The following NUDT3 variants were observed in gnomAD, a reference collection of about 807,000 sequenced individuals.
NUDT3 encodes the protein nudix hydrolase 3, also known as diphosphoinositol polyphosphate phosphohydrolase 1.
In NUDT3, 9 loss-of-function variants were observed where a neutral mutation model predicts 23.6. The observed-to-expected ratio is 0.38, with a 90% CI of 0.23 to 0.66. The LOEUF is 0.66. Among genes scored for constraint, NUDT3 ranks in the 30% least tolerant of loss-of-function variants. NUDT3 has a pLI of 0.52. For synonymous variants in NUDT3, 86 were observed against 82.6 expected (o/e 1.04, Z -0.22); for missense variants, 172 against 218.5 (o/e 0.79, Z 1.34).
chr6:34,341,791 T>C (rs1308859717), intron 2 of NUDT3, 71 bp downstream of exon 2: 12 of 1,394,720 alleles, frequency 8.6e-6, no homozygotes, highest in African/African-American at 4.3e-5. Flanking sequence ...GCTGACATAT[T>C]AAAGAACTAC....
intron 4 of NUDT3, among the ~76,000 whole-genome samples, chr6:34,290,953 C>T (rs1026219719): frequency 6.6e-6 from 1 of 151,286 alleles, no homozygotes; most frequent in Non-Finnish European, 1.5e-5. Flanking sequence ...CACAACCACA[C>T]CCAGCTAATT....
In NUDT3 at chr6:34,283,490, A is replaced by AC. The variant is rs1165184328; in HGVS notation, c.*5262dup. 1 of 152,282 alleles carries AC rather than the reference A, an allele frequency of 6.6e-6. No homozygotes were observed. The highest frequency in any genetic ancestry group is 1.5e-5 in the Non-Finnish European group (1 of 68,088). 9.4% of individuals were successfully genotyped at this position (152,282 alleles called of 1,614,324 possible). A position where few individuals can be genotyped will look rare whatever the true frequency, so the allele number is the denominator to read the frequency against. The stretch of plus-strand genomic sequence containing the variant: ...AGTGCTGGGATTACAGGCGTGAGCC[A>AC]CCATGACCAGCCCTCCATTTATTAA... On this transcript the variant is annotated 3_prime_UTR_variant, in exon 5 of 5. Transcript: ENST00000607016.
intron 2 of NUDT3, among the ~76,000 whole-genome samples, chr6:34,303,717 A>G (rs1006499258): frequency 6.6e-6 from 1 of 152,202 alleles, no homozygotes; most frequent in African/African-American, 2.4e-5. Context: ...TTCATAAATG[A>G]CAATTTACTG....
chr6:34,352,676 A>T (rs1764495879), intron 1 of NUDT3, among the ~76,000 whole-genome samples: 1 of 152,190 alleles, frequency 6.6e-6, no homozygotes, highest in African/African-American at 2.4e-5. Flanking sequence ...AAGGGCAGGT[A>T]TTGTGTTCCC....
At chr6:34,313,568 A>T (rs920092697) in intron 2 of NUDT3, among the ~76,000 whole-genome samples, 1 of 151,958 alleles carries the variant, frequency 6.6e-6, no homozygotes, top group Non-Finnish European at 1.5e-5. Flanking sequence ...GTGGTGTGAG[A>T]TGTTGATAAT....
chr6:34,310,114 T>G (rs1264578254), intron 2 of NUDT3, among the ~76,000 whole-genome samples: 1 of 152,032 alleles, frequency 6.6e-6, no homozygotes, highest in Non-Finnish European at 1.5e-5. Flanking sequence ...GTTCATGTAG[T>G]CTCGGCTACT....
chr6:34,340,045 G>T (rs926824523), intron 2 of NUDT3, among the ~76,000 whole-genome samples: 1 of 152,144 alleles, frequency 6.6e-6, no homozygotes, highest in Non-Finnish European at 1.5e-5. Flanking sequence ...TCTGCTGGGG[G>T]ACCCTTTGGG....
chr6:34,392,587 C>T lies in NUDT3; in HGVS notation c.-225G>A. ...ACCGTCACGGCTGCCGTCTCCGCTGCCGCCAGGGCCGCCGCCCCCTCTGCC... is the reference window on the plus strand; with the variant it reads ...ACCGTCACGGCTGCCGTCTCCGCTGTCGCCAGGGCCGCCGCCCCCTCTGCC... On this transcript the variant is annotated 5_prime_UTR_variant, in exon 1 of 5. Transcript: ENST00000607016. The T allele has an allele frequency of 3.2e-6, 1 of 316,554 alleles. No homozygotes were observed. Among genetic ancestry groups the T allele is most frequent in the African/African-American group, 2.2e-5 (1 of 45,744 alleles). 19.6% of individuals were successfully genotyped at this position (316,554 alleles called of 1,614,324 possible). A position where few individuals can be genotyped will look rare whatever the true frequency, so the allele number is the denominator to read the frequency against.
At chr6:34,357,466 G>T (rs534653670) in intron 1 of NUDT3, among the ~76,000 whole-genome samples, 15 of 152,016 alleles carry the variant, frequency 9.9e-5, no homozygotes, top group South Asian at 4.2e-4. Flanking sequence ...TAAAAAATTA[G>T]CGGGGCATGG....
intron 1 of NUDT3, among the ~76,000 whole-genome samples, chr6:34,378,197 G>C (rs1764956966): frequency 6.6e-6 from 1 of 151,954 alleles, no homozygotes; most frequent in African/African-American, 2.4e-5. Context: ...CAGCTACTTG[G>C]GAAGCTGAGG....
chr6:34,392,297 T>C lies in NUDT3; in HGVS notation c.66A>G (p.Ala22=), dbSNP rs1352186799. 1 of 1,605,558 alleles carries C rather than the reference T, an allele frequency of 6.2e-7. No homozygotes were observed. Among genetic ancestry groups the C allele is most frequent in the South Asian group, 1.1e-5 (1 of 90,568 alleles). Residue 22 remains alanine, a synonymous_variant, in exon 1 of 5, where the codon GCA becomes GCG. Transcript: ENST00000607016. ...YDGDGYKKRA[A]CLCFRSESEE... ...CGCTCTCGCTGCGGAAACACAGGCATGCGGCCCGCTTCTTGTAGCCGTCGC... is the reference window on the plus strand; with the variant it reads ...CGCTCTCGCTGCGGAAACACAGGCACGCGGCCCGCTTCTTGTAGCCGTCGC...
rs757629762 is a variant in NUDT3 at position 34,331,690 on chromosome 6, C to T, written c.210+10172G>A. ...CGGCCCTCCGTATTTGTGCACTACA[C>T]GTCTGTGGATTCAACCAACTGCAGA... On this transcript the variant is annotated intron_variant, in intron 2 of 4. Transcript: ENST00000607016. Among the ~76,000 whole-genome samples, 54 of 152,330 alleles carry T rather than the reference C, an allele frequency of 3.5e-4. No individual in the cohort carries two copies. The Middle Eastern group carries it at 0.017, about 48-fold the overall frequency.
chr6:34,371,965 T>G (rs1291371707), intron 1 of NUDT3, among the ~76,000 whole-genome samples: 1 of 152,230 alleles, frequency 6.6e-6, no homozygotes, highest in Non-Finnish European at 1.5e-5. Flanking sequence ...TATTGTTCAA[T>G]TCCCACCTAT....
intron 1 of NUDT3, among the ~76,000 whole-genome samples, chr6:34,384,607 G>C (rs1423651620): frequency 6.6e-6 from 1 of 152,264 alleles, no homozygotes; most frequent in African/African-American, 2.4e-5. Flanking sequence ...CTTTAGCAGG[G>C]CCAAAGTTGA....
rs141050059 is a variant in NUDT3 at position 34,359,091 on chromosome 6, C to T, written c.100-17119G>A. Among the ~76,000 whole-genome samples the T allele has an allele frequency of 2.9e-3, 440 of 152,106 alleles. 5 individuals carry two copies. The highest frequency in any genetic ancestry group is 0.01 in the African/African-American group (431 of 41,512). ...AACGACCACATTAAGATTGAGAATT[C>T]GGCCAGGTGCGGTGGCTCATGCCTG... is the stretch of plus-strand genomic sequence containing the variant. On this transcript the variant is annotated intron_variant, in intron 1 of 4. Coordinates refer to ENST00000607016, the MANE Select transcript of NUDT3 (RefSeq NM_006703.4).
chr6:34,281,552 A>T lies in NUDT3; in HGVS notation c.*7201T>A, dbSNP rs895839494. On this transcript the variant is annotated 3_prime_UTR_variant, in exon 5 of 5. Coordinates refer to ENST00000607016, the MANE Select transcript of NUDT3 (RefSeq NM_006703.4). ...TATCAACCAGTTTGACAGTCTTCAG[A>T]TCACAAAACAATAGAACAGACCTGA... is the stretch of plus-strand genomic sequence containing the variant. 3 of 151,586 alleles carry T rather than the reference A, an allele frequency of 2.0e-5. No homozygotes were observed. The highest frequency in any genetic ancestry group is 4.4e-5 in the Non-Finnish European group (3 of 68,034). The allele number at this position is 151,586 out of a possible 1,614,324, so 9.4% of individuals were successfully genotyped here. A position where few individuals can be genotyped will look rare whatever the true frequency, so the allele number is the denominator to read the frequency against.
chr6:34,332,490 G>C (rs1561909759), intron 2 of NUDT3, among the ~76,000 whole-genome samples: 1 of 152,032 alleles, frequency 6.6e-6, no homozygotes, highest in African/African-American at 2.4e-5. Context: ...GGAAAGGCAG[G>C]CACACTCAGT....
intron 3 of NUDT3, among the ~76,000 whole-genome samples, chr6:34,294,740 G>C (rs116428782): frequency 0.044 from 6,588 of 151,048 alleles, 213 homozygotes; most frequent in African/African-American, 0.088. Context: ...AAAAAAAAAA[G>C]ATTTATTTAC....
At chr6:34,378,139 C>CA (rs555966119) in intron 1 of NUDT3, among the ~76,000 whole-genome samples, 2,194 of 129,284 alleles carry the variant, frequency 0.017, 32 homozygotes, top group African/African-American at 0.041. Context: ...CGCTCCTACC[C>CA]AAAAAAAAAA....
Sources: gnomAD v4.1 joint callset for allele counts (sites outside exome capture counted in the v4.1 genomes callset) on GRCh38, gnomAD v4.1.1 for gene constraint, MANE v1.5 for transcripts, NCBI Gene and HGNC (gene_info 2026-07-23, HGNC 2026-07-21) for gene names.